The following TET3 variants were observed in gnomAD, a reference collection of about 807,000 sequenced individuals.
TET3 encodes tet methylcytosine dioxygenase 3.
TET3 carries 19 observed loss-of-function variants against 141.4 expected under a neutral mutation model. The observed-to-expected ratio is 0.13, with a 90% CI of 0.09 to 0.20. TET3 has a LOEUF of 0.20. Ranked by LOEUF, TET3 falls within the 10% of genes least tolerant of loss-of-function variation. The pLI is 1.00. For missense variants in TET3, 1,874 were observed against 2,356.9 expected, an observed-to-expected ratio of 0.80 and a Z score of 4.24; for synonymous variants, 1,043 against 980.9, an observed-to-expected ratio of 1.06 and a Z score of -1.18.
intron 3 of TET3, among the ~76,000 whole-genome samples, chr2:74,029,719 A>G (rs569480634): frequency 7.9e-4 from 120 of 152,308 alleles, no homozygotes; most frequent in Non-Finnish European, 1.3e-3. Context: ...AGCAACTTCT[A>G]CTGAAGCTGT....
chr2:74,095,951 G>A (rs1026736318), intron 10 of TET3, among the ~76,000 whole-genome samples: 6 of 152,246 alleles, frequency 3.9e-5, no homozygotes, highest in Non-Finnish European at 8.8e-5. Context: ...TGCTGCCTGA[G>A]TGGGAAACAT....
intron 4 of TET3, among the ~76,000 whole-genome samples, chr2:74,049,061 G>A (rs1029174207): frequency 1.3e-5 from 2 of 152,166 alleles, no homozygotes; most frequent in African/African-American, 4.8e-5. Flanking sequence ...AGACATAGCT[G>A]TAAGAAAGGT....
intron 3 of TET3, among the ~76,000 whole-genome samples, chr2:74,009,627 C>G (rs980356281): frequency 6.6e-6 from 1 of 152,228 alleles, no homozygotes; most frequent in African/African-American, 2.4e-5. Context: ...TCTCTCTGCT[C>G]TGTCCTCTCC....
rs1288672990 is a variant in TET3, at chr2:74,099,257, C to T, written c.3268-19C>T. The T allele has an allele frequency of 3.2e-6, 5 of 1,555,836 alleles. No homozygotes were observed. In the African/African-American group the frequency reaches 5.4e-5, roughly 17 times the overall value. On this transcript the variant is annotated intron_variant, in intron 10 of 11. Coordinates refer to ENST00000409262, the MANE Select transcript of TET3 (RefSeq NM_001287491.2). ...GGTCCCCCAACCCCATGTCCTCTCT[C>T]CCCCACTGCTTGGGGCAGGTCTGCA...
At chr2:74,019,807 G>A (rs142728872) in intron 3 of TET3, among the ~76,000 whole-genome samples, 63 of 152,224 alleles carry the variant, frequency 4.1e-4, no homozygotes, top group African/African-American at 1.5e-3. Context: ...ATTTTTCCAC[G>A]TGCAGACATC....
chr2:73,983,879 G>T (rs555070755), upstream of TET3, among the ~76,000 whole-genome samples: 9 of 152,350 alleles, frequency 5.9e-5, no homozygotes, highest in African/African-American at 2.2e-4. Context: ...CGAGGTAGGT[G>T]GAAGGCAGTT....
Position 74,073,535 on chromosome 2 carries a change from C to A in TET3, c.2495-14C>A. On this transcript the variant is annotated splice_polypyrimidine_tract_variant and intron_variant, in intron 4 of 11. Coordinates refer to ENST00000409262, the MANE Select transcript of TET3 (RefSeq NM_001287491.2). ...TTGATATTCCAAAAATGTTTACTCT[C>A]TGTGTTTCTGCAGAACAAATAGTGG... The A allele has an allele frequency of 6.3e-7, 1 of 1,584,380 alleles. No homozygotes were observed.
rs773674801 is a variant in TET3, at chr2:74,048,242, A to G, written c.2325A>G (p.Ser775=). 1.9e-6 allele frequency: 3 copies of G among 1,613,570 alleles called. No homozygotes were observed. The African/African-American group carries it at 4.0e-5, about 22-fold the overall frequency. The change falls in exon 4 of 12, where the codon TCA becomes TCG. Residue 775 remains serine, a synonymous_variant. Transcript: ENST00000409262. The stretch of plus-strand genomic sequence containing the variant: ...TGCTCTCAACCACCTGCTTCCATTC[A>G]GAGGAGGGAGGACAGGAGGCCACAC... ...VTVLSTTCFH[S]EEGGQEATPT...
At chr2:74,096,966 G>A (rs902811893) in intron 10 of TET3, among the ~76,000 whole-genome samples, 19 of 151,572 alleles carry the variant, frequency 1.3e-4, no homozygotes, top group Middle Eastern at 3.2e-3. Flanking sequence ...GGTTGTGCAT[G>A]CTTGTAGTCC....
chr2:74,079,912 AGT>A (rs1290731054), intron 5 of TET3, among the ~76,000 whole-genome samples: 3 of 152,016 alleles, frequency 2.0e-5, no homozygotes, highest in Non-Finnish European at 4.4e-5. Context: ...TGAAGCCCTG[AGT>A]GTGTGGGGGA....
chr2:74,020,096 T>C (rs1168790742), intron 3 of TET3, among the ~76,000 whole-genome samples: 2 of 152,348 alleles, frequency 1.3e-5, no homozygotes, highest in East Asian at 3.9e-4. Flanking sequence ...TCTTCTACTA[T>C]TCTCCTCCAG....
chr2:73,985,786 C>G (rs543506984), intron 1 of TET3, among the ~76,000 whole-genome samples, 194 bp from the exon 2 acceptor site: 27 of 151,636 alleles, frequency 1.8e-4, no homozygotes, highest in East Asian at 2.0e-4. Context: ...CCCCAGCAGC[C>G]CTCAGGCCCG....
chr2:74,120,418 G>C, the TET3 span, among the ~76,000 whole-genome samples: 1 of 152,246 alleles, frequency 6.6e-6, no homozygotes, highest in African/African-American at 2.4e-5. Flanking sequence ...TGGTGCCGTG[G>C]CTACGCCCCG....
intron 3 of TET3, among the ~76,000 whole-genome samples, chr2:74,013,699 T>C (rs985156964): frequency 6.6e-6 from 1 of 151,906 alleles, no homozygotes. Context: ...GTATTCCCAG[T>C]TACTTGGGAG....
intron 5 of TET3, among the ~76,000 whole-genome samples, chr2:74,076,472 T>G (rs71418720): frequency 1.0e-5 from 1 of 99,282 alleles, no homozygotes; most frequent in South Asian, 3.4e-4. Context: ...TTTTTTTTTG[T>G]CTATTTTATT....
At chr2:74,004,228 G>T (rs1386818124) in intron 3 of TET3, among the ~76,000 whole-genome samples, 7 of 152,190 alleles carry the variant, frequency 4.6e-5, no homozygotes, top group Admixed American at 1.3e-4. Flanking sequence ...AGCCGCTGGA[G>T]TCTTCAGGGA....
rs1158123166 is a variant in TET3, at chr2:74,046,268, C to T, written c.361-10C>T. 6.8e-7 allele frequency: 1 copy of T among 1,480,246 alleles called. No individual in the cohort carries two copies. The highest frequency in any genetic ancestry group is 9.0e-7 in the Non-Finnish European group (1 of 1,115,274). The allele number at this position is 1,480,246 out of a possible 1,614,324, so 91.7% of individuals were successfully genotyped here. A position where few individuals can be genotyped will look rare whatever the true frequency, so the allele number is the denominator to read the frequency against. On this transcript the variant is annotated splice_polypyrimidine_tract_variant and intron_variant, in intron 3 of 11. Coordinates refer to ENST00000409262, the MANE Select transcript of TET3 (RefSeq NM_001287491.2). This position sits in a 1 kb window ranked among gnomAD's most constrained non-coding sequence, Gnocchi z 4.3. ...TTTTTTTCCTTTTTCCCCCTTCTCT[C>T]TCTCTTTAGACAGGCTCAGAGCTCA...
rs1310500386 is a variant in TET3 at position 74,106,829 on chromosome 2, C to CT, written c.*4654dup. 1 of 152,642 alleles carries CT rather than the reference C, an allele frequency of 6.6e-6. No homozygotes were observed. The highest frequency in any genetic ancestry group is 1.5e-5 in the Non-Finnish European group (1 of 68,030). 9.5% of individuals were successfully genotyped at this position (152,642 alleles called of 1,614,324 possible). On this transcript the variant is annotated 3_prime_UTR_variant, in exon 12 of 12. Transcript: ENST00000409262. The stretch of plus-strand genomic sequence containing the variant: ...GGTCTGATACCTGCAGGTTGTCCGT[C>CT]TGATGACATACTTGACCTTGAAAAA...
intron 4 of TET3, among the ~76,000 whole-genome samples, chr2:74,059,705 C>T (rs1319046419): frequency 6.6e-6 from 1 of 152,106 alleles, no homozygotes; most frequent in East Asian, 1.9e-4. Flanking sequence ...TGCCACTGTG[C>T]CTGGCTAATT....
Sources: allele counts gnomAD v4.1 joint callset (sites outside exome capture counted in the v4.1 genomes callset), GRCh38; gene constraint gnomAD v4.1.1; non-coding constraint Gnocchi (gnomAD v3.1); transcripts MANE v1.5; gene names NCBI Gene and HGNC (gene_info 2026-07-23, HGNC 2026-07-21).